The following MTM1 variants were observed in gnomAD, a reference collection of about 807,000 sequenced individuals.
MTM1 encodes the protein myotubularin 1.
A neutral mutation model predicts 52.1 loss-of-function variants in MTM1; 9 were observed. The ratio of observed to expected loss-of-function variants is 0.17; its 90% CI spans 0.10 to 0.30. The LOEUF (loss-of-function observed/expected upper bound fraction) is 0.30, where lower values mean the gene tolerates loss of function less well. MTM1 is among the 10% of genes least tolerant of loss of function. MTM1 has a pLI of 1.00. For synonymous variants in MTM1, 136 were observed against 163.8 expected (o/e 0.83, Z 1.29); for missense variants, 277 against 470.7 (o/e 0.59, Z 3.81).
chrX:150,569,406 A>G (rs782696065), intron 1 of MTM1, among the ~76,000 whole-genome samples: 9 of 113,040 alleles, frequency 8.0e-5, no homozygotes, highest in Non-Finnish European at 1.5e-4. Flanking sequence ...CAAAAATTAT[A>G]TTAGAGCTTT....
At chrX:150,602,239 G>A (rs969655342) in intron 4 of MTM1, among the ~76,000 whole-genome samples, 8 of 112,517 alleles carry the variant, frequency 7.1e-5, no homozygotes, top group African/African-American at 2.3e-4. Context: ...CATCTTGTTT[G>A]TTGTCTCTCT....
rs180994328 is a variant in MTM1, at chrX:150,570,990, A to C, written c.-11+2328A>C. On this transcript the variant is annotated intron_variant, in intron 1 of 14. Coordinates refer to ENST00000370396, the MANE Select transcript of MTM1 (RefSeq NM_000252.3). ...TAATTAAAGTTACAAAAAATACTTT[A>C]ATATTTTTTGTTCCAAAATGAGAGG... is the stretch of plus-strand genomic sequence containing the variant. Among the ~76,000 whole-genome samples the C allele has an allele frequency of 1.4e-4, 16 of 112,333 alleles. No individual in the cohort carries two copies. In the East Asian group the frequency reaches 4.4e-3, roughly 31 times the overall value.
chrX:150,578,112 C>A (rs782726168), intron 1 of MTM1, among the ~76,000 whole-genome samples: 6 of 112,020 alleles, frequency 5.4e-5, no homozygotes, highest in Non-Finnish European at 9.4e-5. Context: ...CTGGGTAGGC[C>A]TGAATTAATC....
intron 4 of MTM1, among the ~76,000 whole-genome samples, chrX:150,608,475 TC>T (rs1210774157): frequency 8.0e-5 from 9 of 112,180 alleles, no homozygotes; most frequent in African/African-American, 2.9e-4. Context: ...TGCCTCCGCC[TC>T]CCAAAGTGCT....
chrX:150,614,503 G>A, intron 4 of MTM1, 86 bp from the exon 5 acceptor site: 1 of 578,981 alleles, frequency 1.7e-6, no homozygotes, highest in South Asian at 2.5e-5. Flanking sequence ...AAATCACTCT[G>A]AAAGCATATG....
intron 2 of MTM1, among the ~76,000 whole-genome samples, chrX:150,593,074 C>T: frequency 8.9e-6 from 1 of 112,431 alleles, no homozygotes; most frequent in Non-Finnish European, 1.9e-5. Flanking sequence ...GAACTCCTGA[C>T]CTCAGGTGAT....
chrX:150,622,586 A>G (rs1332496798), intron 6 of MTM1, among the ~76,000 whole-genome samples: 2 of 112,195 alleles, frequency 1.8e-5, no homozygotes, highest in African/African-American at 6.5e-5. Flanking sequence ...CATTTGTGCA[A>G]GAGAAACGCA....
At chrX:150,598,468 C>T in intron 3 of MTM1, 124 bp from the exon 4 acceptor site, 1 of 481,317 alleles carries the variant, frequency 2.1e-6, no homozygotes, top group Non-Finnish European at 3.6e-6. Flanking sequence ...TGCTTTCAGC[C>T]TTTTCAGTAA....
At chrX:150,617,090 T>G (rs1280628324) in intron 5 of MTM1, among the ~76,000 whole-genome samples, 1 of 112,777 alleles carries the variant, frequency 8.9e-6, no homozygotes, top group Non-Finnish European at 1.9e-5. Flanking sequence ...CTACTTCAGT[T>G]TTGTTGGCAA....
intron 1 of MTM1, among the ~76,000 whole-genome samples, chrX:150,583,878 T>A (rs377388901): frequency 3.4e-4 from 11 of 32,200 alleles, no homozygotes; most frequent in African/African-American, 1.4e-3. Context: ...AAATATATAT[T>A]AAATATATAT....
At chrX:150,578,027 A>G (rs1253852824) in intron 1 of MTM1, among the ~76,000 whole-genome samples, 2 of 112,129 alleles carry the variant, frequency 1.8e-5, no homozygotes, top group Admixed American at 1.9e-4. Context: ...AGAATATGGA[A>G]AAAGTGTAGG....
intron 5 of MTM1, among the ~76,000 whole-genome samples, chrX:150,616,446 T>C (rs782711693): frequency 8.9e-6 from 1 of 111,899 alleles, no homozygotes; most frequent in South Asian, 3.8e-4. Flanking sequence ...TCGCCTGCAG[T>C]CAATAACCAT....
At chrX:150,570,762 G>A (rs782300541) in intron 1 of MTM1, among the ~76,000 whole-genome samples, 1 of 111,647 alleles carries the variant, frequency 9.0e-6, no homozygotes, top group East Asian at 2.8e-4. Flanking sequence ...TCCTTGTGTG[G>A]TTTGTAAAGA....
In MTM1 at chrX:150,592,357, C is replaced by T. The variant is rs111468862; in HGVS notation, c.-10-248C>T. 6.7e-3 allele frequency among the ~76,000 whole-genome samples: 743 copies of T among 110,880 alleles called. 6 individuals are homozygous for T. The highest frequency in any genetic ancestry group is 0.023 in the African/African-American group (705 of 30,448). ...GTGTATGGCGTCTTCTGCTGAGCTC[C>T]CCCTTGTGCATTTAGCTCCCCTTGT... is the stretch of plus-strand genomic sequence containing the variant. On this transcript the variant is annotated intron_variant, in intron 1 of 14. Transcript: ENST00000370396.
In MTM1 at chrX:150,645,698, C is replaced by A; in HGVS notation, c.694C>A (p.His232Asn). 8.3e-7 allele frequency: 1 copy of A among 1,211,471 alleles called. No individual in the cohort carries two copies. Among genetic ancestry groups the A allele is most frequent in the Non-Finnish European group, 1.1e-6 (1 of 895,030 alleles). ...RNRIPVLSWI[H>N]PENKTVIVRC... Reference sequence around the variant, plus strand: ...TTAACCATAGGTGCTGTCATGGATTCATCCAGAAAATAAGACGGTCATTGT... The same window carrying A: ...TTAACCATAGGTGCTGTCATGGATTAATCCAGAAAATAAGACGGTCATTGT... The change falls in exon 9 of 15, where the codon CAT (histidine) becomes AAT (asparagine). Residue 232 changes from histidine (H) to asparagine (N), a missense_variant. By Grantham distance (68) the His-to-Asn change is moderately conservative. Coordinates refer to ENST00000370396, the MANE Select transcript of MTM1 (RefSeq NM_000252.3).
At chrX:150,600,506 C>T (rs1394706390) in intron 4 of MTM1, among the ~76,000 whole-genome samples, 1 of 111,672 alleles carries the variant, frequency 9.0e-6, no homozygotes, top group Non-Finnish European at 1.9e-5. Flanking sequence ...TGTTGTATTC[C>T]AAGCCAGATG....
chrX:150,600,417 A>T (rs1316187516), intron 4 of MTM1, among the ~76,000 whole-genome samples: 1 of 112,412 alleles, frequency 8.9e-6, no homozygotes, highest in African/African-American at 3.2e-5. Context: ...CTGATTAAAA[A>T]GTTAATATTC....
intron 4 of MTM1, among the ~76,000 whole-genome samples, chrX:150,613,076 G>T (rs1314078917): frequency 9.4e-6 from 1 of 106,288 alleles, no homozygotes; most frequent in African/African-American, 3.4e-5. Flanking sequence ...AGCCTGGGAC[G>T]TCAAGGCTGC....
At chrX:150,644,045 G>A (rs1479452405) in intron 8 of MTM1, among the ~76,000 whole-genome samples, 1 of 110,652 alleles carries the variant, frequency 9.0e-6, no homozygotes, top group Non-Finnish European at 1.9e-5. Flanking sequence ...ATAGGGGTCG[G>A]GAGGCCATTG....
Sources: allele counts gnomAD v4.1 joint callset (sites outside exome capture counted in the v4.1 genomes callset), GRCh38; gene constraint gnomAD v4.1.1; transcripts MANE v1.5; gene names NCBI Gene and HGNC (gene_info 2026-07-23, HGNC 2026-07-21).